EHBP1L1: variants seen among roughly 807,000 people sequenced by gnomAD.
EHBP1L1 encodes EH domain binding protein 1 like 1.
A neutral mutation model predicts 151.1 loss-of-function variants in EHBP1L1; 122 were observed. The observed-to-expected ratio is 0.81, with a 90% CI of 0.70 to 0.94. The LOEUF (loss-of-function observed/expected upper bound fraction) is 0.94. Ranked by LOEUF, EHBP1L1 falls within the 40% of genes least tolerant of loss-of-function variation. EHBP1L1 has a pLI of 0.00. For synonymous variants in EHBP1L1, 878 were observed against 810.1 expected (o/e 1.08, Z -1.42); for missense variants, 1,941 against 1,959.8 (o/e 0.99, Z 0.18).
chr11:65,590,801 C>T (rs752917734), intron 16 of EHBP1L1, among the ~76,000 whole-genome samples: 5 of 152,100 alleles, frequency 3.3e-5, no homozygotes, highest in African/African-American at 4.8e-5. Context: ...CTGGGGAGGC[C>T]GAGGCAGGCG....
chr11:65,583,285 T>C lies in EHBP1L1; in HGVS notation c.2613T>C (p.Ile871=), dbSNP rs1857738876. The C allele has an allele frequency of 6.2e-7, 1 of 1,613,324 alleles. No homozygotes were observed. Among genetic ancestry groups the C allele is most frequent in the Non-Finnish European group, 8.5e-7 (1 of 1,179,780 alleles). ...TACTGATGACCCGTAAGACAGAAAT[T>C]ATAGTTCCAGAGGCTGAGAAGGAAG... ...ARVLMTRKTE[I]IVPEAEKEEA... The change falls in exon 9 of 19, where the codon ATT becomes ATC. Residue 871 remains isoleucine (I), a synonymous_variant. Transcript: ENST00000309295.
At position 65,579,430 on chromosome 11, in the gene EHBP1L1, C is replaced by T. The variant is rs1857484346; in HGVS notation, c.252C>T (p.Leu84=). 1 of 1,531,378 alleles carries T rather than the reference C, an allele frequency of 6.5e-7. No homozygotes were observed. Among genetic ancestry groups the T allele is most frequent in the Non-Finnish European group, 8.8e-7 (1 of 1,136,620 alleles). The allele number at this position is 1,531,378 out of a possible 1,614,324, so 94.9% of individuals were successfully genotyped here. A position where few individuals can be genotyped will look rare whatever the true frequency, so the allele number is the denominator to read the frequency against. Residue 84 remains leucine, a synonymous_variant, in exon 3 of 19, where the codon CTC becomes CTT. Transcript: ENST00000309295. The part of the protein sequence containing the change: ...VPENVDISVT[L]YRDPHVDQYE... ...AGAATGTGGACATCTCTGTGACCCTCTACAGGGTGAGTCTCTAGCCCTCCA... is the reference window on the plus strand; with the variant it reads ...AGAATGTGGACATCTCTGTGACCCTTTACAGGGTGAGTCTCTAGCCCTCCA...
Position 65,580,140 on chromosome 11 carries a change from A to AG in EHBP1L1, c.375dup (p.Pro126AlafsTer23). Reference sequence around the variant, plus strand: ...CCGAGGTGGACCTGGCCCGCCATGCAGGGCCCGTGCCTGTCCAAGTCCCAG... The same window carrying AG: ...CCGAGGTGGACCTGGCCCGCCATGCAGGGGCCCGTGCCTGTCCAAGTCCCAG... On this transcript the variant is annotated frameshift_variant, in exon 5 of 19. Transcript: ENST00000309295. LOFTEE classifies it high-confidence loss of function. 6.2e-7 allele frequency: 1 copy of AG among 1,613,644 alleles called. No homozygotes were observed.
chr11:65,583,853 G>A, intron 9 of EHBP1L1, 88 bp downstream of exon 9: 1 of 1,427,834 alleles, frequency 7.0e-7, no homozygotes. Flanking sequence ...GACCCACCTG[G>A]TGGAATGGGA....
At position 65,591,852 on chromosome 11, in the gene EHBP1L1, C is replaced by A; in HGVS notation, c.4336C>A (p.Arg1446=). The A allele has an allele frequency of 6.5e-7, 1 of 1,530,296 alleles. No homozygotes were observed. 94.8% of individuals were successfully genotyped at this position (1,530,296 alleles called of 1,614,324 possible). The change falls in exon 17 of 19, where the codon CGG becomes AGG. Residue 1446 remains arginine (R), a synonymous_variant. Transcript: ENST00000309295. ...GTTCGAGCTGCTGAGCCGCGAGCTG[C>A]GGGCCATGCTGGCCATCGAAGGTGG... ...RRFELLSREL[R]AMLAIEDWQK... is the part of the protein sequence containing the mutation.
At chr11:65,590,444 C>T (rs1453155870) in intron 15 of EHBP1L1, 49 bp from the exon 16 acceptor site, 3 of 1,598,798 alleles carry the variant, frequency 1.9e-6, no homozygotes, top group Non-Finnish European at 2.6e-6. Context: ...CTGCCCTACC[C>T]TGACACGGGG....
At chr11:65,580,727 C>T (rs1297810213) in intron 6 of EHBP1L1, among the ~76,000 whole-genome samples, 1 of 152,194 alleles carries the variant, frequency 6.6e-6, no homozygotes, top group African/African-American at 2.4e-5. Flanking sequence ...CTCCTCATCC[C>T]TTTGTGGTGC....
At position 65,583,418 on chromosome 11, in the gene EHBP1L1, G is replaced by A; in HGVS notation, c.2746G>A (p.Glu916Lys). 6.2e-7 allele frequency: 1 copy of A among 1,613,640 alleles called. No individual in the cohort carries two copies. The highest frequency in any genetic ancestry group is 1.7e-4 in the Middle Eastern group (1 of 6,060). ...VTQPRVLGSQEAKAEISGVQG... is the reference protein window; with the variant it reads ...VTQPRVLGSQKAKAEISGVQG... Reference sequence around the variant, plus strand: ...TCAGCCAAGAGTTTTAGGATCCCAGGAAGCAAAAGCAGAGATTTCAGGAGT... The same window carrying A: ...TCAGCCAAGAGTTTTAGGATCCCAGAAAGCAAAAGCAGAGATTTCAGGAGT... The change falls in exon 9 of 19, where the codon GAA becomes AAA. Residue 916 changes from glutamate (E) to lysine (K), a missense_variant. Physicochemically the swap from Glu to Lys is moderately conservative, Grantham distance 56 (BLOSUM62 1). Transcript: ENST00000309295.
intron 12 of EHBP1L1, among the ~76,000 whole-genome samples, chr11:65,587,371 CAA>C (rs113665152): frequency 1.8e-3 from 174 of 99,394 alleles, no homozygotes; most frequent in African/African-American, 4.0e-3. Context: ...GACTCCGTCT[CAA>C]AAAAAAAAAA....
chr11:65,579,171 G>C lies in EHBP1L1; in HGVS notation c.162+36G>C, dbSNP rs1345576088. 3.8e-6 allele frequency: 6 copies of C among 1,570,594 alleles called. No individual in the cohort carries two copies. In the Admixed American group the frequency reaches 9.3e-5, roughly 24 times the overall value. On this transcript the variant is annotated intron_variant, in intron 2 of 18. Transcript: ENST00000309295. ...ATGGCAACTGGGGATCCAGGTTAGG[G>C]ATGGGGGCCGGTGGGAGGCTGATGG...
chr11:65,589,242 T>C (rs1429283323), intron 12 of EHBP1L1, among the ~76,000 whole-genome samples: 1 of 152,100 alleles, frequency 6.6e-6, no homozygotes, highest in African/African-American at 2.4e-5. Flanking sequence ...CCGTCTCTAC[T>C]AAAAATACAA....
In EHBP1L1 at chr11:65,583,417, G is replaced by T; in HGVS notation, c.2745G>T (p.Gln915His). The T allele has an allele frequency of 6.2e-7, 1 of 1,613,570 alleles. No homozygotes were observed. Among genetic ancestry groups the T allele is most frequent in the Non-Finnish European group, 8.5e-7 (1 of 1,179,770 alleles). Reference protein sequence around the residue: ...PVTQPRVLGSQEAKAEISGVQ... With the variant: ...PVTQPRVLGSHEAKAEISGVQ... ...CTCAGCCAAGAGTTTTAGGATCCCA[G>T]GAAGCAAAAGCAGAGATTTCAGGAG... Residue 915 changes from glutamine to histidine, a missense_variant, in exon 9 of 19, where the codon CAG becomes CAT. Coordinates refer to ENST00000309295, the MANE Select transcript of EHBP1L1 (RefSeq NM_001099409.3).
Position 65,583,227 on chromosome 11 carries a change from CAG to C in EHBP1L1, c.2556_2557del (p.Gly853AlafsTer15). On this transcript the variant is annotated frameshift_variant, in exon 9 of 19. Transcript: ENST00000309295. LOFTEE classifies it high-confidence loss of function. ...ACAGAGGTCGGGGGTTCAGGGATCT[CAG>C]GGCCCGAGGCTGGAATGGCAGAGGC... 6.2e-7 allele frequency: 1 copy of C among 1,613,434 alleles called. No homozygotes were observed. The highest frequency in any genetic ancestry group is 8.5e-7 in the Non-Finnish European group (1 of 1,179,808).
Position 65,582,380 on chromosome 11 carries a change from C to G in EHBP1L1, c.1708C>G (p.Leu570Val). Reference protein sequence around the residue: ...WEAEAGGSGDLETETEVVGLE... With the variant: ...WEAEAGGSGDVETETEVVGLE... ...GGCAGAAGCTGGGGGTTCAGGGGACCTGGAAACAGAGACTGAGGTGGTAGG... is the reference window on the plus strand; with the variant it reads ...GGCAGAAGCTGGGGGTTCAGGGGACGTGGAAACAGAGACTGAGGTGGTAGG... Residue 570 changes from leucine (L) to valine (V), a missense_variant, in exon 9 of 19, where the codon CTG (leucine) becomes GTG (valine). Coordinates refer to ENST00000309295, the MANE Select transcript of EHBP1L1 (RefSeq NM_001099409.3). 1 of 1,594,344 alleles carries G rather than the reference C, an allele frequency of 6.3e-7. No individual in the cohort carries two copies. Among genetic ancestry groups the G allele is most frequent in the Non-Finnish European group, 8.5e-7 (1 of 1,171,484 alleles).
intron 16 of EHBP1L1, 34 bp from the exon 17 acceptor site, chr11:65,591,766 A>G (rs749267432): frequency 1.2e-6 from 1 of 806,796 alleles, no homozygotes. Flanking sequence ...CTGAACTGCC[A>G]CCCCCCCGCC....
At position 65,576,333 on chromosome 11, in the gene EHBP1L1, G is replaced by A; in HGVS notation, c.31G>A (p.Val11Met). The change falls in exon 1 of 19, where the codon GTG becomes ATG. Residue 11 changes from valine (V) to methionine (M), a missense_variant. By Grantham distance (21) the Val-to-Met change is conservative (BLOSUM62 1). Coordinates refer to ENST00000309295, the MANE Select transcript of EHBP1L1 (RefSeq NM_001099409.3). ...CTCGGTGTGGAAGCGCCTGCAGCGC[G>A]TGGGCAAGCGGGCGGCCAAGTTCCA... MTSVWKRLQR[V>M]GKRAAKFQFV... 6.3e-7 allele frequency: 1 copy of A among 1,598,570 alleles called. No individual in the cohort carries two copies. The highest frequency in any genetic ancestry group is 8.5e-7 in the Non-Finnish European group (1 of 1,173,368).
In EHBP1L1 at chr11:65,582,155, C is replaced by T; in HGVS notation, c.1483C>T (p.Leu495Phe). Reference sequence around the variant, plus strand: ...AGGGCACTCTGGGCAACTTGGTGACCTCGAGGGGGCCAGGGCTGCTGCAGG... The same window carrying T: ...AGGGCACTCTGGGCAACTTGGTGACTTCGAGGGGGCCAGGGCTGCTGCAGG... ...PAGHSGQLGDLEGARAAAGQE... is the reference protein window; with the variant it reads ...PAGHSGQLGDFEGARAAAGQE... The change falls in exon 9 of 19, where the codon CTC becomes TTC. Residue 495 changes from leucine to phenylalanine, a missense_variant. Leu to Phe is a conservative substitution (Grantham distance 22, BLOSUM62 0). Coordinates refer to ENST00000309295, the MANE Select transcript of EHBP1L1 (RefSeq NM_001099409.3). 1 of 1,584,284 alleles carries T rather than the reference C, an allele frequency of 6.3e-7. No individual in the cohort carries two copies. Among genetic ancestry groups the T allele is most frequent in the Non-Finnish European group, 8.6e-7 (1 of 1,165,966 alleles).
intron 14 of EHBP1L1, 23 bp from the exon 15 acceptor site, chr11:65,590,064 T>C (rs1858184616): frequency 6.2e-7 from 1 of 1,613,622 alleles, no homozygotes; most frequent in African/African-American, 1.3e-5. Flanking sequence ...GTCCACCCTG[T>C]TCTCTGCCTT....
chr11:65,591,915 G>T (rs1554986026), intron 17 of EHBP1L1, 42 bp downstream of exon 17: 1 of 1,606,758 alleles, frequency 6.2e-7, no homozygotes, highest in Non-Finnish European at 8.5e-7. Flanking sequence ...GACAGAGCCA[G>T]GGTGGAGGCG....
Sources: gnomAD v4.1 joint callset for allele counts (sites outside exome capture counted in the v4.1 genomes callset) on GRCh38, gnomAD v4.1.1 for gene constraint, MANE v1.5 for transcripts, NCBI Gene and HGNC (gene_info 2026-07-23, HGNC 2026-07-21) for gene names.